COL21A1: variants seen among roughly 807,000 people sequenced by gnomAD.
The protein encoded by COL21A1 is collagen alpha-1(XXI) chain.
Under a neutral mutation model 137.9 loss-of-function variants are expected in COL21A1, and 149 were observed. The ratio of observed to expected loss-of-function variants is 1.08; its 90% CI spans 0.95 to 1.24. The LOEUF (loss-of-function observed/expected upper bound fraction) is 1.24. Ranked by LOEUF, COL21A1 falls within the 50% of genes most tolerant of loss-of-function variation. The probability of loss-of-function intolerance (pLI) is 0.00; values close to 1 mark genes in which losing one functional copy is unlikely to be tolerated. For synonymous variants in COL21A1, 456 were observed against 391.5 expected (o/e 1.16, Z -1.95); for missense variants, 1,167 against 1,158.4 (o/e 1.01, Z -0.11).
intron 2 of COL21A1, among the ~76,000 whole-genome samples, chr6:56,181,708 A>C (rs1777906596): frequency 6.6e-6 from 1 of 152,130 alleles, no homozygotes; most frequent in South Asian, 2.1e-4. Flanking sequence ...TAGAGAGATG[A>C]ATGACATCAT....
intron 1 of COL21A1, among the ~76,000 whole-genome samples, chr6:56,283,083 A>C (rs994182609): frequency 6.6e-6 from 1 of 152,214 alleles, no homozygotes; most frequent in African/African-American, 2.4e-5. Context: ...CATTCAAAAA[A>C]ATTTTAAGTA....
chr6:56,323,009 G>A (rs1764910816), intron 1 of COL21A1, among the ~76,000 whole-genome samples: 1 of 151,926 alleles, frequency 6.6e-6, no homozygotes, highest in Non-Finnish European at 1.5e-5. Context: ...AGACACTGGA[G>A]GCTCAGAAAG....
chr6:56,057,930 A>G lies in COL21A1; in HGVS notation c.2687-86T>C, dbSNP rs142420333. The G allele has an allele frequency of 4.9e-4, 443 of 909,444 alleles. 2 individuals are homozygous for G. In the African/African-American group the frequency reaches 6.8e-3, roughly 14 times the overall value. The allele number at this position is 909,444 out of a possible 1,614,324, so 56.3% of individuals were successfully genotyped here. On this transcript the variant is annotated intron_variant, in intron 29 of 29. Transcript: ENST00000244728. ...CAATTCTGCAAGAAACTTAAACTGA[A>G]AAAAAAAACCTTGAATATTTTATAT...
intron 24 of COL21A1, among the ~76,000 whole-genome samples, chr6:56,062,502 T>G (rs569556616): frequency 6.6e-6 from 1 of 152,248 alleles, no homozygotes; most frequent in South Asian, 2.1e-4. Flanking sequence ...GATAAAACTT[T>G]AATAACAGGT....
At chr6:56,200,734 G>C (rs1236051137) in intron 1 of COL21A1, among the ~76,000 whole-genome samples, 3 of 151,864 alleles carry the variant, frequency 2.0e-5, no homozygotes, top group African/African-American at 7.3e-5. Context: ...TCCAAGTCTT[G>C]GCTATTGTGA....
At chr6:56,148,338 C>CACAGAGAGAGAGAGAGAGAGAG (rs1775002377) in intron 10 of COL21A1, among the ~76,000 whole-genome samples, 1 of 133,176 alleles carries the variant, frequency 7.5e-6, no homozygotes, top group African/African-American at 2.9e-5. Flanking sequence ...AGACAAGAGA[C>CACAGAGAGAGAGAGAGAGAGAG]AGAGAGAGAG....
rs1469217012 is a variant in COL21A1, at chr6:56,179,616, G to C, written c.602C>G (p.Ser201Cys). 4 of 1,612,986 alleles carry C rather than the reference G, an allele frequency of 2.5e-6. No homozygotes were observed. Among genetic ancestry groups the C allele is most frequent in the Non-Finnish European group, 3.4e-6 (4 of 1,179,372 alleles). Residue 201 changes from serine (S) to cysteine (C), a missense_variant, in exon 3 of 30, where the codon TCC becomes TGC. By Grantham distance (112) the Ser-to-Cys change is moderately radical. Transcript: ENST00000244728. The part of the protein sequence containing the change: ...VFYVEDYIAI[S>C]KIREVMKQKL... The stretch of plus-strand genomic sequence containing the variant: ...CTGCTTCATCACTTCCCTTATTTTG[G>C]ATATTGCAATATAGTCTTCCACATA...
At chr6:56,302,570 G>A (rs1477412370) in intron 1 of COL21A1, among the ~76,000 whole-genome samples, 3 of 152,010 alleles carry the variant, frequency 2.0e-5, no homozygotes, top group Non-Finnish European at 4.4e-5. Flanking sequence ...ACTTTTTGAT[G>A]GGGTTGTTTG....
At chr6:56,184,940 A>G (rs1278112334) in intron 1 of COL21A1, among the ~76,000 whole-genome samples, 1 of 152,178 alleles carries the variant, frequency 6.6e-6, no homozygotes, top group Non-Finnish European at 1.5e-5. Context: ...TTCAGAAGTG[A>G]AAGTCCTAAA....
At chr6:56,288,576 G>A (rs982485378) in intron 1 of COL21A1, among the ~76,000 whole-genome samples, 9 of 152,170 alleles carry the variant, frequency 5.9e-5, no homozygotes, top group African/African-American at 2.2e-4. Context: ...GGCCAGCCAA[G>A]ATACAAGAGC....
intron 12 of COL21A1, among the ~76,000 whole-genome samples, chr6:56,131,885 A>T (rs1423414849): frequency 1.3e-5 from 2 of 152,188 alleles, no homozygotes; most frequent in African/African-American, 4.8e-5. Context: ...ATGAAAACAA[A>T]GTTACCCTGT....
upstream of COL21A1, chr6:56,247,767 C>T (rs1485440930): frequency 6.6e-6 from 1 of 152,342 alleles, no homozygotes; most frequent in Non-Finnish European, 1.5e-5. Flanking sequence ...GGATTGAAAA[C>T]GAGGGTGAAG....
At chr6:56,246,033 T>G (rs1782618571) in intron 1 of COL21A1, among the ~76,000 whole-genome samples, 1 of 152,180 alleles carries the variant, frequency 6.6e-6, no homozygotes. Flanking sequence ...GTCATTCTAT[T>G]TTTGAACTAA....
chr6:56,280,386 A>T (rs989809092), intron 1 of COL21A1, among the ~76,000 whole-genome samples: 1 of 152,162 alleles, frequency 6.6e-6, no homozygotes, highest in African/African-American at 2.4e-5. Context: ...TGATATTATT[A>T]TGGATTCTTT....
intron 9 of COL21A1, among the ~76,000 whole-genome samples, chr6:56,162,512 CACT>C (rs1345068390): frequency 6.6e-6 from 1 of 152,128 alleles, no homozygotes; most frequent in Admixed American, 6.5e-5. Context: ...AAATAGGTGA[CACT>C]ACAAGACATC....
chr6:56,186,263 A>G (rs963814349), intron 1 of COL21A1, among the ~76,000 whole-genome samples: 3 of 152,198 alleles, frequency 2.0e-5, no homozygotes, highest in African/African-American at 7.2e-5. Flanking sequence ...GAACATCTCA[A>G]TTTATTGGTA....
At chr6:56,230,020 A>G (rs2152317480) in intron 1 of COL21A1, among the ~76,000 whole-genome samples, 1 of 152,020 alleles carries the variant, frequency 6.6e-6, no homozygotes, top group Non-Finnish European at 1.5e-5. Context: ...AGGGAACAGA[A>G]AATGTCAGAG....
intron 24 of COL21A1, among the ~76,000 whole-genome samples, chr6:56,063,308 G>A (rs746884553): frequency 6.6e-5 from 10 of 152,176 alleles, no homozygotes; most frequent in Non-Finnish European, 1.2e-4. Flanking sequence ...CTTCTTTTCT[G>A]AGAGTTATTG....
At chr6:56,127,520 A>T (rs1422081141) in intron 12 of COL21A1, among the ~76,000 whole-genome samples, 1 of 152,172 alleles carries the variant, frequency 6.6e-6, no homozygotes, top group African/African-American at 2.4e-5. Context: ...TGTTTAGGGG[A>T]ATATAATATC....
Sources: gnomAD v4.1 joint callset for allele counts (sites outside exome capture counted in the v4.1 genomes callset) on GRCh38, gnomAD v4.1.1 for gene constraint, MANE v1.5 for transcripts, NCBI Gene and HGNC (gene_info 2026-07-23, HGNC 2026-07-21) for gene names.